RIMS1: variants seen among roughly 807,000 people sequenced by gnomAD.
The protein encoded by RIMS1 is regulating synaptic membrane exocytosis protein 1.
Under a neutral mutation model 214.1 loss-of-function variants are expected in RIMS1, and 83 were observed. The observed-to-expected ratio is 0.39, with a 90% confidence interval of 0.32 to 0.47. The LOEUF (loss-of-function observed/expected upper bound fraction) is 0.47, where lower values mean the gene tolerates loss of function less well. Among genes scored for constraint, RIMS1 ranks in the 20% least tolerant of loss-of-function variants. The probability of loss-of-function intolerance (pLI) is 0.99; values close to 1 mark genes in which losing one functional copy is unlikely to be tolerated. For missense variants in RIMS1, 2,050 were observed against 2,161.8 expected, an observed-to-expected ratio of 0.95 and a Z score of 1.03; for synonymous variants, 793 against 786.8, an observed-to-expected ratio of 1.01 and a Z score of -0.13.
At chr6:71,917,462 G>A (rs1359671303) in intron 1 of RIMS1, among the ~76,000 whole-genome samples, 2 of 152,124 alleles carry the variant, frequency 1.3e-5, no homozygotes, top group Admixed American at 1.3e-4. Flanking sequence ...AGGTAGCAGA[G>A]TGCTTACATG....
intron 2 of RIMS1, among the ~76,000 whole-genome samples, chr6:72,082,448 A>G (rs1324290405): frequency 1.3e-5 from 2 of 152,152 alleles, no homozygotes; most frequent in African/African-American, 4.8e-5. Flanking sequence ...CCTTTTACAG[A>G]GGAAGAGGTG....
At chr6:71,956,791 G>T (rs985945439) in intron 1 of RIMS1, among the ~76,000 whole-genome samples, 2 of 152,072 alleles carry the variant, frequency 1.3e-5, no homozygotes, top group African/African-American at 2.4e-5. Context: ...GTTTCATCTC[G>T]TTGCGCGAAT....
intron 6 of RIMS1, among the ~76,000 whole-genome samples, chr6:72,226,242 A>T (rs772036687): frequency 1.6e-4 from 24 of 152,216 alleles, no homozygotes; most frequent in Non-Finnish European, 2.4e-4. Flanking sequence ...GGTAAGAAAG[A>T]TGGCATTGAA....
intron 29 of RIMS1, among the ~76,000 whole-genome samples, chr6:72,346,440 C>A (rs1024994571): frequency 1.3e-5 from 2 of 151,820 alleles, no homozygotes; most frequent in Non-Finnish European, 2.9e-5. Flanking sequence ...CTGGTGAAAT[C>A]TGTTAGTCCT....
rs759775291 is a variant in RIMS1 at position 72,183,153 on chromosome 6, A to G, written c.1678+4A>G. On this transcript the variant is annotated splice_donor_region_variant and intron_variant, in intron 6 of 33. Coordinates refer to ENST00000521978, the MANE Select transcript of RIMS1 (RefSeq NM_014989.7). ...AGCGAGAGCGTCAGCGAGAAAGGTA[A>G]GGGGGCGGCGCCGGCCGTGCGGGGA... The G allele has an allele frequency of 4.4e-6, 7 of 1,589,504 alleles. No homozygotes were observed. The South Asian group carries it at 6.9e-5, about 16-fold the overall frequency.
intron 1 of RIMS1, among the ~76,000 whole-genome samples, chr6:71,909,779 T>A (rs1279174587): frequency 6.6e-6 from 1 of 152,102 alleles, no homozygotes; most frequent in African/African-American, 2.4e-5. Flanking sequence ...ATGCTGATAA[T>A]AAAATTTATA....
chr6:72,188,332 G>C (rs1363232413), intron 6 of RIMS1, among the ~76,000 whole-genome samples: 1 of 152,066 alleles, frequency 6.6e-6, no homozygotes, highest in Non-Finnish European at 1.5e-5. Flanking sequence ...ACAATAATAA[G>C]GTAATAATTA....
intron 2 of RIMS1, among the ~76,000 whole-genome samples, chr6:72,057,346 A>G (rs1247424401): frequency 6.6e-6 from 1 of 152,156 alleles, no homozygotes; most frequent in Non-Finnish European, 1.5e-5. Context: ...TGTGGCATAT[A>G]TTATCTAACT....
chr6:72,332,952 A>C (rs563710631), intron 28 of RIMS1, among the ~76,000 whole-genome samples: 23 of 152,036 alleles, frequency 1.5e-4, no homozygotes, highest in African/African-American at 5.5e-4. Flanking sequence ...AGTGTGAGGC[A>C]CTGAAAGAAG....
intron 1 of RIMS1, among the ~76,000 whole-genome samples, chr6:71,932,901 T>C (rs2150924734): frequency 6.6e-6 from 1 of 152,288 alleles, no homozygotes; most frequent in East Asian, 1.9e-4. Context: ...AAATTTAAAA[T>C]TCTTCATTGG....
At chr6:72,076,599 A>G (rs1831947666) in intron 2 of RIMS1, among the ~76,000 whole-genome samples, 1 of 152,202 alleles carries the variant, frequency 6.6e-6, no homozygotes, top group Admixed American at 6.5e-5. Flanking sequence ...TATTCAGTCG[A>G]TAACACTGAG....
intron 2 of RIMS1, among the ~76,000 whole-genome samples, chr6:72,071,222 TC>T (rs1830511091): frequency 6.6e-6 from 1 of 151,838 alleles, no homozygotes; most frequent in Non-Finnish European, 1.5e-5. Flanking sequence ...ATGGTGAGAC[TC>T]CCCAATCTCT....
At chr6:72,257,164 G>C (rs966018343) in intron 16 of RIMS1, among the ~76,000 whole-genome samples, 1 of 150,744 alleles carries the variant, frequency 6.6e-6, no homozygotes, top group Non-Finnish European at 1.5e-5. Context: ...ACATATTTAT[G>C]GTTTATGTAT....
intron 19 of RIMS1, chr6:72,262,231 TTA>T (rs1197991735): frequency 2.9e-5 from 23 of 786,530 alleles, no homozygotes; most frequent in Non-Finnish European, 3.4e-5. Flanking sequence ...TTATATAATA[TTA>T]TATAATAGTT....
intron 29 of RIMS1, among the ~76,000 whole-genome samples, chr6:72,370,849 G>A (rs1258566361): frequency 1.3e-5 from 2 of 152,104 alleles, no homozygotes; most frequent in African/African-American, 2.4e-5. Flanking sequence ...TATATGATAG[G>A]AATGCTGCAG....
At chr6:72,228,837 T>C (rs555836820) in intron 6 of RIMS1, among the ~76,000 whole-genome samples, 1 of 152,060 alleles carries the variant, frequency 6.6e-6, no homozygotes, top group East Asian at 1.9e-4. Context: ...TTTAAATTTT[T>C]ATAATAGGCC....
Position 72,392,758 on chromosome 6 carries a change from A to T in RIMS1, c.4566A>T (p.Gly1522=). The T allele has an allele frequency of 6.2e-7, 1 of 1,613,778 alleles. No homozygotes were observed. The change falls in exon 31 of 34, where the codon GGA becomes GGT. Residue 1522 remains glycine (G), a synonymous_variant. Transcript: ENST00000521978. ...GTCAATTCAGTGATTTTCTTGATGGATTGGGACCAGCCCAGCTTGTTGGCC... is the reference window on the plus strand; with the variant it reads ...GTCAATTCAGTGATTTTCTTGATGGTTTGGGACCAGCCCAGCTTGTTGGCC... ...ADSQFSDFLD[G]LGPAQLVGRQ... is the part of the protein sequence containing the mutation.
intron 6 of RIMS1, among the ~76,000 whole-genome samples, chr6:72,228,609 G>A (rs964927195): frequency 4.0e-5 from 6 of 151,844 alleles, no homozygotes; most frequent in African/African-American, 1.4e-4. Flanking sequence ...ATAGTGAATA[G>A]TGCTGCAGTG....
intron 4 of RIMS1, among the ~76,000 whole-genome samples, chr6:72,138,992 T>C (rs2041741552): frequency 6.6e-6 from 1 of 152,200 alleles, no homozygotes; most frequent in Admixed American, 6.5e-5. Flanking sequence ...TGCTATATTT[T>C]ATAATAACTA....
Sources: allele counts gnomAD v4.1 joint callset (sites outside exome capture counted in the v4.1 genomes callset), GRCh38; gene constraint gnomAD v4.1.1; transcripts MANE v1.5; gene names NCBI Gene and HGNC (gene_info 2026-07-23, HGNC 2026-07-21).